Variants in SDHC observed in about 807,000 individuals in gnomAD.
SDHC encodes the protein succinate dehydrogenase cytochrome b560 subunit, mitochondrial.
In SDHC, 11 loss-of-function variants were observed where a neutral mutation model predicts 22.6. That is an observed-to-expected ratio of 0.49 (90% confidence interval 0.31 to 0.81). The LOEUF (loss-of-function observed/expected upper bound fraction) is 0.81, where lower values mean the gene tolerates loss of function less well. SDHC is among the 30% of genes least tolerant of loss of function. SDHC has a pLI of 0.05. For synonymous variants in SDHC, 80 were observed against 77.8 expected (o/e 1.03, Z -0.15); for missense variants, 160 against 212.0 (o/e 0.75, Z 1.52).
chr1:161,316,165 T>A (rs1425581159), intron 1 of SDHC, among the ~76,000 whole-genome samples: 1 of 151,966 alleles, frequency 6.6e-6, no homozygotes, highest in East Asian at 1.9e-4. Context: ...ACAGATGCCT[T>A]CCTCTTGTCT....
rs564287446 is a variant in SDHC at position 161,358,193 on chromosome 1, C to T, written c.405+1353C>T. Among the ~76,000 whole-genome samples the T allele has an allele frequency of 7.1e-4, 105 of 148,818 alleles. 2 individuals carry two copies. The South Asian group carries it at 0.02, about 28-fold the overall frequency. On this transcript the variant is annotated intron_variant, in intron 5 of 5. Coordinates refer to ENST00000367975, the MANE Select transcript of SDHC (RefSeq NM_003001.5). ...CTGAGATTACAGGTGCCCACAACCA[C>T]GGCCAGCTAATTTTTTTTTTTTTTT...
chr1:161,314,816 G>A, intron 1 of SDHC: 1 of 235,962 alleles, frequency 4.2e-6, no homozygotes. Flanking sequence ...TTCGGAGAGA[G>A]AGATCTTCGT....
chr1:161,356,949 A>G, intron 5 of SDHC, 109 bp downstream of exon 5: 1 of 1,165,226 alleles, frequency 8.6e-7, no homozygotes, highest in East Asian at 2.4e-5. Context: ...TTTTTTCCCA[A>G]GAGTGGAGTC....
intron 2 of SDHC, among the ~76,000 whole-genome samples, chr1:161,326,462 A>G (rs1326416910): frequency 6.6e-6 from 1 of 151,192 alleles, no homozygotes; most frequent in Admixed American, 6.6e-5. Context: ...ATTAGAAACT[A>G]CTCAATTATA....
At chr1:161,347,822 C>T (rs772233505) in intron 4 of SDHC, among the ~76,000 whole-genome samples, 6 of 151,990 alleles carry the variant, frequency 3.9e-5, no homozygotes, top group East Asian at 2.0e-4. Context: ...GCCGAGATCA[C>T]GCCACTGCAC....
At chr1:161,329,888 C>T (rs761220098) in intron 3 of SDHC, among the ~76,000 whole-genome samples, 3 of 152,166 alleles carry the variant, frequency 2.0e-5, no homozygotes, top group Non-Finnish European at 2.9e-5. Context: ...GAGTCCTTCT[C>T]GCTTTGTATC....
chr1:161,344,536 T>C (rs772332921), intron 4 of SDHC, among the ~76,000 whole-genome samples: 1 of 152,194 alleles, frequency 6.6e-6, no homozygotes, highest in Non-Finnish European at 1.5e-5. Context: ...CATCAGCATA[T>C]GTCCTGTTTT....
At chr1:161,315,593 T>C (rs1036606320) in intron 1 of SDHC, among the ~76,000 whole-genome samples, 2 of 152,184 alleles carry the variant, frequency 1.3e-5, no homozygotes, top group Non-Finnish European at 2.9e-5. Flanking sequence ...GTGATCATAT[T>C]GGTTCCAAAC....
At chr1:161,314,762 A>G (rs758814485) in intron 1 of SDHC, 16 of 372,638 alleles carry the variant, frequency 4.3e-5, no homozygotes, top group Non-Finnish European at 7.9e-5. Flanking sequence ...AAGGTCAGCC[A>G]CCCATGGGTC....
chr1:161,358,237 G>A (rs11577663), intron 5 of SDHC, among the ~76,000 whole-genome samples: 18,572 of 149,718 alleles, frequency 0.12, 1,432 homozygotes, highest in African/African-American at 0.21. Flanking sequence ...TAGTAGAGAC[G>A]GGATTTTGCC....
At chr1:161,342,980 C>T (rs1310369153) in intron 4 of SDHC, among the ~76,000 whole-genome samples, 1 of 152,204 alleles carries the variant, frequency 6.6e-6, no homozygotes, top group East Asian at 1.9e-4. Flanking sequence ...TTTTATTCAT[C>T]ACATCAGGCA....
chr1:161,342,431 G>A (rs1262893969), intron 4 of SDHC, among the ~76,000 whole-genome samples: 2 of 152,032 alleles, frequency 1.3e-5, no homozygotes, highest in East Asian at 1.9e-4. Context: ...AGGAAAATGA[G>A]CTTATGACTT....
rs2102336452 is a variant in SDHC at position 161,340,664 on chromosome 1, ATG to A, written c.241+13_241+14del. ...TATTGCTTTGAGTGCAGGTATGTATATGTGTTTTTACACACACATATGTGCTT... is the reference window on the plus strand; with the variant it reads ...TATTGCTTTGAGTGCAGGTATGTATATGTTTTTACACACACATATGTGCTT... On this transcript the variant is annotated intron_variant, in intron 4 of 5. Coordinates refer to ENST00000367975, the MANE Select transcript of SDHC (RefSeq NM_003001.5). 6.2e-7 allele frequency: 1 copy of A among 1,612,002 alleles called. No individual in the cohort carries two copies. Among genetic ancestry groups the A allele is most frequent in the Admixed American group, 1.7e-5 (1 of 60,004 alleles).
chr1:161,343,045 A>G (rs1240404963), intron 4 of SDHC, among the ~76,000 whole-genome samples: 1 of 152,178 alleles, frequency 6.6e-6, no homozygotes, highest in African/African-American at 2.4e-5. Context: ...GCAGATGGCA[A>G]CCTTCAGGTC....
chr1:161,318,830 T>C (rs1235652171), intron 1 of SDHC, among the ~76,000 whole-genome samples: 3 of 151,732 alleles, frequency 2.0e-5, no homozygotes, highest in Non-Finnish European at 4.4e-5. Context: ...GGTCAGGAGT[T>C]CAAGACCAGC....
At chr1:161,325,578 G>T (rs184774128) in intron 2 of SDHC, among the ~76,000 whole-genome samples, 2 of 152,300 alleles carry the variant, frequency 1.3e-5, no homozygotes, top group East Asian at 3.9e-4. Context: ...TACTCGGGAA[G>T]CTGAGGTAGA....
At chr1:161,336,211 C>T (rs1242379958) in intron 3 of SDHC, among the ~76,000 whole-genome samples, 1 of 152,152 alleles carries the variant, frequency 6.6e-6, no homozygotes, top group Admixed American at 6.6e-5. Context: ...GTAATCCCAG[C>T]ACTTTGAGAT....
chr1:161,339,117 G>C (rs1671606743), intron 3 of SDHC, among the ~76,000 whole-genome samples: 1 of 152,050 alleles, frequency 6.6e-6, no homozygotes, highest in South Asian at 2.1e-4. Context: ...TAAAGTGCTG[G>C]GATTACAGGC....
Position 161,356,541 on chromosome 1 carries a change from G to T in SDHC, c.242-136G>T, listed in dbSNP as rs113368293. 0.1 allele frequency: 96,486 copies of T among 966,862 alleles called. 5,345 individuals are homozygous for T. Among genetic ancestry groups the T allele is most frequent in the African/African-American group, 0.15 (9,034 of 61,948 alleles). 59.9% of individuals were successfully genotyped at this position (966,862 alleles called of 1,614,324 possible). ...GTGACAGAATGAGACTCTGTCTCAAGAAAAAAAGAAAACAAAAATCTTCTC... is the reference window on the plus strand; with the variant it reads ...GTGACAGAATGAGACTCTGTCTCAATAAAAAAAGAAAACAAAAATCTTCTC... On this transcript the variant is annotated intron_variant, in intron 4 of 5. Transcript: ENST00000367975.
Sources: gnomAD v4.1 joint callset for allele counts (sites outside exome capture counted in the v4.1 genomes callset) on GRCh38, gnomAD v4.1.1 for gene constraint, MANE v1.5 for transcripts, NCBI Gene and HGNC (gene_info 2026-07-23, HGNC 2026-07-21) for gene names.